DDX10: variants seen among roughly 807,000 people sequenced by gnomAD.
The protein encoded by DDX10 is probable ATP-dependent RNA helicase DDX10.
In DDX10, 74 loss-of-function variants were observed where a neutral mutation model predicts 104.3. The observed-to-expected ratio is 0.71, with a 90% CI of 0.59 to 0.86. The LOEUF (loss-of-function observed/expected upper bound fraction) is 0.86. DDX10 is among the 40% of genes least tolerant of loss of function. The probability of loss-of-function intolerance (pLI) is 0.00; values close to 1 mark genes in which losing one functional copy is unlikely to be tolerated. For synonymous variants in DDX10, 351 were observed against 353.4 expected (o/e 0.99, Z 0.08); for missense variants, 952 against 1,040.0 (o/e 0.92, Z 1.16).
chr11:108,859,821 A>G (rs952185453), intron 16 of DDX10, among the ~76,000 whole-genome samples: 2 of 152,178 alleles, frequency 1.3e-5, no homozygotes, highest in African/African-American at 2.4e-5. Flanking sequence ...GGATGTGACC[A>G]TCGTGATTGT....
At chr11:108,851,079 T>G (rs1862785398) in intron 15 of DDX10, among the ~76,000 whole-genome samples, 2 of 152,198 alleles carry the variant, frequency 1.3e-5, no homozygotes, top group Non-Finnish European at 2.9e-5. Flanking sequence ...AGTACAATTT[T>G]ATTCCTCTCT....
chr11:108,801,112 A>C (rs1039138404), intron 13 of DDX10, among the ~76,000 whole-genome samples: 3 of 152,202 alleles, frequency 2.0e-5, no homozygotes, highest in African/African-American at 7.2e-5. Context: ...TGTAGTTAGA[A>C]TGTGTGCTTT....
intron 6 of DDX10, among the ~76,000 whole-genome samples, chr11:108,685,502 C>G (rs558301259): frequency 6.6e-6 from 1 of 152,198 alleles, no homozygotes; most frequent in Non-Finnish European, 1.5e-5. Context: ...CTGCGTTGCT[C>G]ACGCTGGGAG....
At chr11:108,736,032 C>T (rs1178532317) in intron 13 of DDX10, among the ~76,000 whole-genome samples, 1 of 152,128 alleles carries the variant, frequency 6.6e-6, no homozygotes, top group African/African-American at 2.4e-5. Flanking sequence ...GACAGTGTTT[C>T]TCAAGCCGTC....
At chr11:108,671,491 C>T (rs890855655) in intron 1 of DDX10, among the ~76,000 whole-genome samples, 2 of 152,170 alleles carry the variant, frequency 1.3e-5, no homozygotes, top group African/African-American at 4.8e-5. Context: ...GGAACCGTAG[C>T]CATCTCCTGC....
At chr11:108,756,033 A>G (rs1327382964) in intron 13 of DDX10, among the ~76,000 whole-genome samples, 2 of 151,836 alleles carry the variant, frequency 1.3e-5, no homozygotes, top group African/African-American at 2.4e-5. Context: ...GTAAAAGGAA[A>G]TATTCCAAAG....
chr11:108,937,793 T>C (rs984002565), intron 17 of DDX10, among the ~76,000 whole-genome samples: 1 of 152,214 alleles, frequency 6.6e-6, no homozygotes, highest in African/African-American at 2.4e-5. Context: ...CTGATTTTTA[T>C]AGTAGTAGTA....
At chr11:108,824,162 C>G (rs1046820564) in intron 13 of DDX10, among the ~76,000 whole-genome samples, 2 of 152,192 alleles carry the variant, frequency 1.3e-5, no homozygotes, top group African/African-American at 4.8e-5. Context: ...CCTGCCTCAG[C>G]CTCCCCAGTA....
intron 16 of DDX10, among the ~76,000 whole-genome samples, chr11:108,883,336 T>C (rs1863251740): frequency 6.6e-6 from 1 of 152,194 alleles, no homozygotes. Context: ...TGTTATATCA[T>C]ATTCTTTCCT....
chr11:108,879,894 G>T (rs1863204184), intron 16 of DDX10, among the ~76,000 whole-genome samples: 1 of 151,984 alleles, frequency 6.6e-6, no homozygotes. Context: ...ATCAAGACCA[G>T]GTTTTTATAG....
intron 13 of DDX10, among the ~76,000 whole-genome samples, chr11:108,837,541 G>C (rs924466975): frequency 1.4e-5 from 2 of 144,112 alleles, no homozygotes; most frequent in Non-Finnish European, 3.0e-5. Flanking sequence ...GTGGTTTTAG[G>C]TTGTGAGCTA....
chr11:108,683,608 T>C (rs981124219), intron 6 of DDX10, among the ~76,000 whole-genome samples: 3 of 152,238 alleles, frequency 2.0e-5, no homozygotes, highest in Admixed American at 1.3e-4. Flanking sequence ...GTTAATCTGA[T>C]ACAAGCAGCT....
chr11:108,770,262 C>T (rs549108983), intron 13 of DDX10, among the ~76,000 whole-genome samples: 1 of 152,124 alleles, frequency 6.6e-6, no homozygotes, highest in Admixed American at 6.5e-5. Flanking sequence ...TATCTAGCCC[C>T]TGAAGCATTT....
At chr11:108,771,926 T>C (rs2094363734) in intron 13 of DDX10, among the ~76,000 whole-genome samples, 1 of 152,234 alleles carries the variant, frequency 6.6e-6, no homozygotes, top group Non-Finnish European at 1.5e-5. Flanking sequence ...AAGTCTTTGC[T>C]GTGAGGGTCA....
chr11:108,780,710 T>C (rs2094377029), intron 13 of DDX10, among the ~76,000 whole-genome samples: 1 of 152,178 alleles, frequency 6.6e-6, no homozygotes, highest in Non-Finnish European at 1.5e-5. Flanking sequence ...ATGTAGATGC[T>C]TAGGTTATAT....
intron 1 of DDX10, among the ~76,000 whole-genome samples, chr11:108,667,049 C>G (rs920006032): frequency 6.6e-6 from 1 of 152,196 alleles, no homozygotes; most frequent in Non-Finnish European, 1.5e-5. Flanking sequence ...TTCTTCATCC[C>G]TACTGCATTG....
At chr11:108,894,233 T>A (rs560149453) in intron 16 of DDX10, among the ~76,000 whole-genome samples, 1 of 152,054 alleles carries the variant, frequency 6.6e-6, no homozygotes, top group Non-Finnish European at 1.5e-5. Flanking sequence ...AGTTTTCAGA[T>A]AACAGGAAGA....
At chr11:108,769,138 A>G (rs901869961) in intron 13 of DDX10, among the ~76,000 whole-genome samples, 6 of 150,428 alleles carry the variant, frequency 4.0e-5, no homozygotes, top group Non-Finnish European at 5.9e-5. Flanking sequence ...TGGGATTCAT[A>G]TTTCCTGTGT....
chr11:108,751,035 G>A (rs1201230065), intron 13 of DDX10, among the ~76,000 whole-genome samples: 3 of 134,824 alleles, frequency 2.2e-5, no homozygotes, highest in African/African-American at 8.2e-5. Flanking sequence ...TCCTGCCTTG[G>A]CCTCCCAAAA....
Sources: allele counts gnomAD v4.1 joint callset (sites outside exome capture counted in the v4.1 genomes callset), GRCh38; gene constraint gnomAD v4.1.1; transcripts MANE v1.5; gene names NCBI Gene and HGNC (gene_info 2026-07-23, HGNC 2026-07-21).